Variants in WWTR1 observed in about 807,000 individuals in gnomAD.
The protein encoded by WWTR1 is WW domain-containing transcription regulator protein 1.
Under a neutral mutation model 40.1 loss-of-function variants are expected in WWTR1, and 13 were observed. That is an observed-to-expected ratio of 0.32 (90% confidence interval 0.21 to 0.52). WWTR1 has a LOEUF of 0.52. WWTR1 is among the 20% of genes least tolerant of loss of function. The pLI, the probability that WWTR1 is intolerant of heterozygous loss-of-function variation, is 0.97. For synonymous variants in WWTR1, 230 were observed against 210.1 expected (o/e 1.09, Z -0.82); for missense variants, 436 against 523.1 (o/e 0.83, Z 1.63).
chr3:149,532,161 T>C (rs1411152032), intron 4 of WWTR1, among the ~76,000 whole-genome samples: 1 of 152,220 alleles, frequency 6.6e-6, no homozygotes, highest in African/African-American at 2.4e-5. Context: ...AGAAGGCTGC[T>C]GTGATGATAA....
chr3:149,608,945 T>C (rs1739609008), intron 2 of WWTR1, among the ~76,000 whole-genome samples: 1 of 152,098 alleles, frequency 6.6e-6, no homozygotes. Context: ...GGCATGTGCC[T>C]GTAGTCCCAG....
intron 4 of WWTR1, among the ~76,000 whole-genome samples, chr3:149,534,868 C>A (rs1397069419): frequency 6.6e-6 from 1 of 152,102 alleles, no homozygotes; most frequent in Non-Finnish European, 1.5e-5. Context: ...TGTAAAATAG[C>A]TGAAGAAGTA....
intron 2 of WWTR1, among the ~76,000 whole-genome samples, chr3:149,600,525 C>T (rs954576486): frequency 1.3e-5 from 2 of 152,144 alleles, no homozygotes; most frequent in Non-Finnish European, 2.9e-5. Flanking sequence ...ACTCCACTCA[C>T]CTGAAGGGGA....
In WWTR1 at chr3:149,575,953, A is replaced by G. The variant is rs1004093893; in HGVS notation, c.432-2953T>C. 3.9e-5 allele frequency: 18 copies of G among 456,442 alleles called. No individual in the cohort carries two copies. The Admixed American group carries it at 4.0e-4, about 10-fold the overall frequency. The allele number at this position is 456,442 out of a possible 1,614,324, so 28.3% of individuals were successfully genotyped here. A position where few individuals can be genotyped will look rare whatever the true frequency, so the allele number is the denominator to read the frequency against. On this transcript the variant is annotated intron_variant, in intron 2 of 6. Transcript: ENST00000360632. ...AGTGCAGTGGGAGCCTCCACGGCCCACCCTTCAAACTCCACACCCAGCCAA... is the reference window on the plus strand; with the variant it reads ...AGTGCAGTGGGAGCCTCCACGGCCCGCCCTTCAAACTCCACACCCAGCCAA...
At chr3:149,680,892 T>C (rs566702654) in intron 1 of WWTR1, among the ~76,000 whole-genome samples, 4 of 152,318 alleles carry the variant, frequency 2.6e-5, no homozygotes, top group African/African-American at 7.2e-5. Flanking sequence ...TATTATGTAA[T>C]ATTGGTGGCT....
At chr3:149,666,872 C>T (rs1713844330) in intron 2 of WWTR1, among the ~76,000 whole-genome samples, 1 of 152,182 alleles carries the variant, frequency 6.6e-6, no homozygotes, top group South Asian at 2.1e-4. Context: ...ACTATTTTGT[C>T]TTTTCCTTTA....
intron 1 of WWTR1, among the ~76,000 whole-genome samples, chr3:149,672,449 A>C (rs1714121228): frequency 6.6e-6 from 1 of 152,182 alleles, no homozygotes; most frequent in African/African-American, 2.4e-5. Flanking sequence ...TACCCGAAGG[A>C]GGGTGGAACA....
intron 2 of WWTR1, among the ~76,000 whole-genome samples, chr3:149,631,624 T>G (rs940035952): frequency 6.6e-6 from 1 of 152,170 alleles, no homozygotes; most frequent in African/African-American, 2.4e-5. Flanking sequence ...CCTCCTTGCC[T>G]ATCCCACAAA....
intron 3 of WWTR1, among the ~76,000 whole-genome samples, chr3:149,554,379 G>C (rs1178148490): frequency 6.6e-6 from 1 of 152,116 alleles, no homozygotes; most frequent in African/African-American, 2.4e-5. Context: ...CCCAAGCTTC[G>C]TTTACTTCAC....
chr3:149,600,327 T>C (rs540848554), intron 2 of WWTR1, among the ~76,000 whole-genome samples: 33 of 152,322 alleles, frequency 2.2e-4, no homozygotes, highest in African/African-American at 7.7e-4. Flanking sequence ...CAGTCCCCGA[T>C]GGGAATATAA....
chr3:149,614,625 A>G (rs1468110526), intron 2 of WWTR1, among the ~76,000 whole-genome samples: 2 of 152,210 alleles, frequency 1.3e-5, no homozygotes, highest in Admixed American at 6.5e-5. Flanking sequence ...AAAATCATTA[A>G]GGCTCTTTTG....
chr3:149,688,873 G>C (rs896527900), intron 1 of WWTR1, among the ~76,000 whole-genome samples: 3 of 152,102 alleles, frequency 2.0e-5, no homozygotes, highest in African/African-American at 4.8e-5. Context: ...TAGCTGTTTT[G>C]AGGAAGCTCA....
chr3:149,591,345 A>G (rs182493343), intron 2 of WWTR1, among the ~76,000 whole-genome samples: 19 of 152,336 alleles, frequency 1.2e-4, no homozygotes, highest in Non-Finnish European at 5.9e-5. Flanking sequence ...TTCAGAAGCC[A>G]GTCTCTGATA....
At chr3:149,629,618 A>G (rs1271478014) in intron 2 of WWTR1, among the ~76,000 whole-genome samples, 1 of 152,226 alleles carries the variant, frequency 6.6e-6, no homozygotes, top group African/African-American at 2.4e-5. Flanking sequence ...CCATGAAGAT[A>G]TTCTTCTCTG....
intron 2 of WWTR1, among the ~76,000 whole-genome samples, chr3:149,625,340 G>A (rs182409873): frequency 2.4e-4 from 37 of 151,338 alleles, no homozygotes; most frequent in African/African-American, 7.8e-4. Flanking sequence ...GGATGGTCTC[G>A]ATCTCCTGAC....
rs544170027 is a variant in WWTR1 at position 149,720,092 on chromosome 3, T to C, written n.460-2526A>G. Among the ~76,000 whole-genome samples, 7 of 152,336 alleles carry C rather than the reference T, an allele frequency of 4.6e-5. No individual in the cohort carries two copies. In the South Asian group the frequency reaches 1.4e-3, roughly 32 times the overall value. ...GGCTGTCTTTCTATTCTGTTGATAG[T>C]GTCTTTTGATATAAAATTTTTAAAT... On this transcript the variant is annotated intron_variant and non_coding_transcript_variant, in intron 4 of 6. Coordinates refer to the WWTR1 transcript ENST00000474080.
intron 2 of WWTR1, among the ~76,000 whole-genome samples, chr3:149,654,680 G>A (rs1341373267): frequency 1.3e-5 from 2 of 152,008 alleles, no homozygotes; most frequent in Non-Finnish European, 2.9e-5. Context: ...GAATTTTTTT[G>A]TTTTGCTTTT....
At chr3:149,615,491 T>G (rs1389700300) in intron 2 of WWTR1, among the ~76,000 whole-genome samples, 2 of 152,206 alleles carry the variant, frequency 1.3e-5, no homozygotes, top group African/African-American at 4.8e-5. Context: ...CGTGGGAAAT[T>G]ATCATACTGT....
chr3:149,683,395 C>T (rs756620856), intron 1 of WWTR1, among the ~76,000 whole-genome samples: 50 of 152,158 alleles, frequency 3.3e-4, no homozygotes, highest in Non-Finnish European at 6.8e-4. Flanking sequence ...GTTGCCCTGC[C>T]TCACTTAGGA....
Sources: gnomAD v4.1 joint callset for allele counts (sites outside exome capture counted in the v4.1 genomes callset) on GRCh38, gnomAD v4.1.1 for gene constraint, MANE v1.5 for transcripts, NCBI Gene and HGNC (gene_info 2026-07-23, HGNC 2026-07-21) for gene names.